ZNF221: variants seen among roughly 807,000 people sequenced by gnomAD.
ZNF221 encodes the protein zinc finger protein 221.
Under a neutral mutation model 12.6 loss-of-function variants are expected in ZNF221, and 10 were observed. The observed-to-expected ratio is 0.79, with a 90% confidence interval of 0.49 to 1.34. The LOEUF is 1.34. ZNF221 is among the 40% of genes most tolerant of loss of function. ZNF221 has a pLI of 0.00. For synonymous variants in ZNF221, 232 were observed against 244.0 expected (o/e 0.95, Z 0.46); for missense variants, 661 against 721.4 (o/e 0.92, Z 0.96).
chr19:43,953,881 G>A lies in ZNF221; in HGVS notation c.-3+2481G>A, dbSNP rs534350662. Among the ~76,000 whole-genome samples the A allele has an allele frequency of 7.9e-5, 12 of 152,038 alleles. 1 individual carries two copies. In the East Asian group the frequency reaches 9.7e-4, roughly 12 times the overall value. The stretch of plus-strand genomic sequence containing the variant: ...GTGGATCACCTGAGGTCAGGAGTTC[G>A]AGACCAGCCTGGCTAACATGGGGAA... On this transcript the variant is annotated intron_variant, in intron 1 of 4. Coordinates refer to ENST00000587682, the MANE Select transcript of ZNF221 (RefSeq NM_001297588.2).
In ZNF221 at chr19:43,966,099, A is replaced by G. The variant is rs763159741; in HGVS notation, c.597A>G (p.Thr199=). ...CACACTCAGGAGAGAAATCTCATAC[A>G]TGTGGTGAGTGTGGAAAAAGCTTCT... ...QQSHSGEKSH[T]CGECGKSFCY... is the part of the protein sequence containing the mutation. The change falls in exon 5 of 5, where the codon ACA becomes ACG. Residue 199 remains threonine (T), a synonymous_variant. Coordinates refer to ENST00000587682, the MANE Select transcript of ZNF221 (RefSeq NM_001297588.2). 9.3e-6 allele frequency: 15 copies of G among 1,614,096 alleles called. No individual in the cohort carries two copies. The highest frequency in any genetic ancestry group is 1.2e-5 in the Non-Finnish European group (14 of 1,180,034).
At chr19:43,954,379 C>T (rs1029669290) in intron 1 of ZNF221, among the ~76,000 whole-genome samples, 2 of 152,120 alleles carry the variant, frequency 1.3e-5, no homozygotes, top group African/African-American at 2.4e-5. Context: ...CCTCAGCTAC[C>T]GTTTCTCCTT....
chr19:43,954,061 G>A (rs1454144174), intron 1 of ZNF221, among the ~76,000 whole-genome samples: 7 of 131,724 alleles, frequency 5.3e-5, no homozygotes, highest in East Asian at 2.2e-4. Flanking sequence ...CAGCCTGGGC[G>A]AGACAGAGTG....
At chr19:43,956,051 G>A (rs1026395113) in intron 1 of ZNF221, among the ~76,000 whole-genome samples, 4 of 152,130 alleles carry the variant, frequency 2.6e-5, no homozygotes, top group Admixed American at 2.6e-4. Context: ...ATGCCCCATA[G>A]TGGGGTAGTA....
chr19:43,963,820 C>T (rs1974891150), intron 2 of ZNF221, among the ~76,000 whole-genome samples: 1 of 152,164 alleles, frequency 6.6e-6, no homozygotes, highest in South Asian at 2.1e-4. Context: ...AATTCTTCTT[C>T]CTAATCATAT....
chr19:43,979,876 C>T, the ZNF221 span, among the ~76,000 whole-genome samples: 1 of 152,118 alleles, frequency 6.6e-6, no homozygotes, highest in Non-Finnish European at 1.5e-5. Flanking sequence ...TTTAAAGGCA[C>T]TATTGACTTT....
chr19:43,959,266 ACT>A (rs1374914330), intron 1 of ZNF221, among the ~76,000 whole-genome samples: 1 of 152,040 alleles, frequency 6.6e-6, no homozygotes, highest in African/African-American at 2.4e-5. Flanking sequence ...CTTCCCATAC[ACT>A]GATTGCCTTT....
Position 43,966,923 on chromosome 19 carries a change from G to T in ZNF221, c.1421G>T (p.Gly474Val), listed in dbSNP as rs757407031. ...DLEFHQRVHT[G>V]ERPYNCKECG... ...GAGTTTCACCAGAGGGTCCACACGG[G>T]TGAGAGACCCTATAATTGTAAGGAA... Residue 474 changes from glycine (G) to valine (V), a missense_variant, in exon 5 of 5, where the codon GGT (glycine) becomes GTT (valine). Coordinates refer to ENST00000587682, the MANE Select transcript of ZNF221 (RefSeq NM_001297588.2). 6.2e-7 allele frequency: 1 copy of T among 1,614,130 alleles called. No homozygotes were observed. The highest frequency in any genetic ancestry group is 8.5e-7 in the Non-Finnish European group (1 of 1,180,058).
At chr19:43,959,146 C>T (rs563545350) in intron 1 of ZNF221, among the ~76,000 whole-genome samples, 1 of 152,294 alleles carries the variant, frequency 6.6e-6, no homozygotes, top group Admixed American at 6.5e-5. Context: ...ACCAAAGATG[C>T]TGCTACTTAG....
Position 43,965,874 on chromosome 19 carries a change from A to G in ZNF221, c.372A>G (p.Gln124=). Residue 124 remains glutamine (Q), a synonymous_variant, in exon 5 of 5, where the codon CAA becomes CAG. Transcript: ENST00000587682. Reference sequence around the variant, plus strand: ...CACATGAAGAGTGGTCCTGTCAGCAAATATGGGAACAAATTGCAAGTGACC... The same window carrying G: ...CACATGAAGAGTGGTCCTGTCAGCAGATATGGGAACAAATTGCAAGTGACC... ...AGPHEEWSCQ[Q]IWEQIASDLT... is the part of the protein sequence containing the mutation. 6.2e-7 allele frequency: 1 copy of G among 1,614,080 alleles called. No homozygotes were observed. Among genetic ancestry groups the G allele is most frequent in the Non-Finnish European group, 8.5e-7 (1 of 1,179,940 alleles).
chr19:43,969,269 A>T (rs1975044500), downstream of ZNF221, among the ~76,000 whole-genome samples: 1 of 149,588 alleles, frequency 6.7e-6, no homozygotes, highest in African/African-American at 2.5e-5. Flanking sequence ...GGTTGTCTGG[A>T]CAAGGAGAGG....
chr19:43,968,414 T>G (rs897400174), downstream of ZNF221, among the ~76,000 whole-genome samples: 2 of 152,218 alleles, frequency 1.3e-5, no homozygotes, highest in African/African-American at 4.8e-5. Context: ...CTGCAGAATC[T>G]TCACAACCTT....
chr19:43,980,370 A>G, the ZNF221 span, among the ~76,000 whole-genome samples: 1 of 152,200 alleles, frequency 6.6e-6, no homozygotes, highest in Non-Finnish European at 1.5e-5. Flanking sequence ...GCTTCAATAA[A>G]CGGGAGGTCA....
At chr19:43,965,393 A>G (rs1466633429) in intron 4 of ZNF221, 68 bp downstream of exon 4, 10 of 1,383,846 alleles carry the variant, frequency 7.2e-6, no homozygotes, top group Middle Eastern at 1.9e-4. Flanking sequence ...GTCCATGCCT[A>G]TTTCCATCAC....
chr19:43,967,184 C>A lies in ZNF221; in HGVS notation c.1682C>A (p.Pro561His), dbSNP rs142521374. 31 of 1,593,234 alleles carry A rather than the reference C, an allele frequency of 1.9e-5. No individual in the cohort carries two copies. The highest frequency in any genetic ancestry group is 2.6e-5 in the Non-Finnish European group (30 of 1,167,164). ...MHQRVHGGER[P>H]YNCKECGKSF... ...CAGAGGGTCCACGGGGGAGAGCGACCCTATAATTGTAAGGAATGTGGAAAG... is the reference window on the plus strand; with the variant it reads ...CAGAGGGTCCACGGGGGAGAGCGACACTATAATTGTAAGGAATGTGGAAAG... The change falls in exon 5 of 5, where the codon CCC becomes CAC. Residue 561 changes from proline to histidine, a missense_variant. Physicochemically the swap from Pro to His is moderately conservative, Grantham distance 77 (BLOSUM62 -2). Coordinates refer to ENST00000587682, the MANE Select transcript of ZNF221 (RefSeq NM_001297588.2).
At position 43,965,330 on chromosome 19, in the gene ZNF221, G is replaced by A. The variant is rs751913287; in HGVS notation, c.301+5G>A. 2 of 1,609,492 alleles carry A rather than the reference G, an allele frequency of 1.2e-6. No homozygotes were observed. The highest frequency in any genetic ancestry group is 2.2e-5 in the South Asian group (2 of 90,710). ...GCCAAAGAGAAGGGAATTCAGGTAA[G>A]AACCAAGTAACTGTGCATCCTTGTA... On this transcript the variant is annotated splice_donor_5th_base_variant and intron_variant, in intron 4 of 4. Coordinates refer to ENST00000587682, the MANE Select transcript of ZNF221 (RefSeq NM_001297588.2).
the ZNF221 span, among the ~76,000 whole-genome samples, chr19:43,974,629 GAA>G: frequency 0.76 from 116,105 of 152,022 alleles, 45,755 homozygotes; most frequent in Middle Eastern, 0.89. Context: ...TGACAAACAT[GAA>G]AAAAAAGCTC....
At chr19:43,951,749 C>T (rs1386736802) in intron 1 of ZNF221, among the ~76,000 whole-genome samples, 2 of 151,250 alleles carry the variant, frequency 1.3e-5, no homozygotes, top group Non-Finnish European at 2.9e-5. Context: ...TGTTAATTTC[C>T]TGAGAAATGG....
Position 43,966,253 on chromosome 19 carries a change from G to A in ZNF221, c.751G>A (p.Glu251Lys), listed in dbSNP as rs753567135. The A allele has an allele frequency of 6.2e-7, 1 of 1,614,072 alleles. No homozygotes were observed. Among genetic ancestry groups the A allele is most frequent in the Non-Finnish European group, 8.5e-7 (1 of 1,179,926 alleles). Residue 251 changes from glutamate (E) to lysine (K), a missense_variant, in exon 5 of 5, where the codon GAG becomes AAG. Coordinates refer to ENST00000587682, the MANE Select transcript of ZNF221 (RefSeq NM_001297588.2). ...LQTHQRVHTG[E>K]KPFKCGQCGK... is the part of the protein sequence containing the mutation. ...AACTCATCAGAGAGTCCATACTGGAGAGAAACCATTCAAATGTGGGCAATG... is the reference window on the plus strand; with the variant it reads ...AACTCATCAGAGAGTCCATACTGGAAAGAAACCATTCAAATGTGGGCAATG...
Sources: gnomAD v4.1 joint callset for allele counts (sites outside exome capture counted in the v4.1 genomes callset) on GRCh38, gnomAD v4.1.1 for gene constraint, MANE v1.5 for transcripts, NCBI Gene and HGNC (gene_info 2026-07-23, HGNC 2026-07-21) for gene names.